Variants in PRKN observed in about 807,000 individuals in gnomAD.
The protein encoded by PRKN is E3 ubiquitin-protein ligase parkin.
A neutral mutation model predicts 59.5 loss-of-function variants in PRKN; 56 were observed. The ratio of observed to expected loss-of-function variants is 0.94; its 90% CI spans 0.76 to 1.18. PRKN has a LOEUF of 1.18. Ranked by LOEUF, PRKN falls within the 50% of genes most tolerant of loss-of-function variation. The pLI is 0.00. For synonymous variants in PRKN, 250 were observed against 222.1 expected (o/e 1.13, Z -1.12); for missense variants, 657 against 596.4 (o/e 1.10, Z -1.06).
At chr6:161,955,843 T>A (rs1388087672) in intron 6 of PRKN, among the ~76,000 whole-genome samples, 1 of 152,074 alleles carries the variant, frequency 6.6e-6, no homozygotes, top group African/African-American at 2.4e-5. Context: ...AGAGCTAAAC[T>A]CTATCTCAAA....
intron 5 of PRKN, among the ~76,000 whole-genome samples, chr6:162,005,775 TG>T (rs965577774): frequency 1.3e-5 from 2 of 152,052 alleles, no homozygotes; most frequent in African/African-American, 4.8e-5. Context: ...TAACCTTTTT[TG>T]GGGGGAAAAA....
At chr6:162,515,009 A>G (rs1351422779) in intron 1 of PRKN, among the ~76,000 whole-genome samples, 2 of 152,120 alleles carry the variant, frequency 1.3e-5, no homozygotes, top group Admixed American at 1.3e-4. Context: ...AGACAACTAG[A>G]GACTCTCCTA....
At chr6:161,485,235 G>A (rs1248044645) in intron 9 of PRKN, among the ~76,000 whole-genome samples, 1 of 152,222 alleles carries the variant, frequency 6.6e-6, no homozygotes, top group Non-Finnish European at 1.5e-5. Flanking sequence ...TGGTAGGCTA[G>A]GCAGAGTAGG....
At position 162,453,764 on chromosome 6, in the gene PRKN, G is replaced by A. The variant is rs78965483; in HGVS notation, c.8-10291C>T. 2.0e-3 allele frequency among the ~76,000 whole-genome samples: 300 copies of A among 152,178 alleles called. 4 individuals are homozygous for A. In the South Asian group the frequency reaches 0.024, roughly 12 times the overall value. On this transcript the variant is annotated intron_variant, in intron 1 of 11. Transcript: ENST00000366898. ...CTAAAAATATCAAAATTAGCTGGGC[G>A]TGGTGGCGCACACCTGTAATCCCAG...
chr6:161,367,981 G>C (rs1048724192), intron 10 of PRKN, among the ~76,000 whole-genome samples: 1 of 152,020 alleles, frequency 6.6e-6, no homozygotes, highest in African/African-American at 2.4e-5. Flanking sequence ...TCGGAGCCCC[G>C]AGCTGCCTGG....
intron 1 of PRKN, among the ~76,000 whole-genome samples, chr6:162,644,626 TC>T (rs1778094335): frequency 6.6e-6 from 1 of 152,150 alleles, no homozygotes; most frequent in Non-Finnish European, 1.5e-5. Context: ...CGGTGGTGTA[TC>T]CCCTAGCTGG....
In PRKN at chr6:161,484,088, T is replaced by C. The variant is rs142559905; in HGVS notation, c.1083+64766A>G. Among the ~76,000 whole-genome samples the C allele has an allele frequency of 0.024, 3,701 of 152,072 alleles. 143 individuals carry two copies. Among genetic ancestry groups the C allele is most frequent in the African/African-American group, 0.085 (3,516 of 41,456 alleles). On this transcript the variant is annotated intron_variant, in intron 9 of 11. Transcript: ENST00000366898. This position sits in a 1 kb window ranked among gnomAD's most constrained non-coding sequence, Gnocchi z 4.9. The stretch of plus-strand genomic sequence containing the variant: ...ATGGATGCTGGGCTTAATACCTAGG[T>C]GATGGGTTGATCTGTGCAGCAAAAC...
rs553600473 is a variant in PRKN at position 162,470,265 on chromosome 6, T to C, written c.8-26792A>G. ...AAGGGAACTAAAAAATAAGGAAGTATACATTTTCATTCACTCAACCAATGC... is the reference window on the plus strand; with the variant it reads ...AAGGGAACTAAAAAATAAGGAAGTACACATTTTCATTCACTCAACCAATGC... On this transcript the variant is annotated intron_variant, in intron 1 of 11. Transcript: ENST00000366898. Among the ~76,000 whole-genome samples, 115 of 152,286 alleles carry C rather than the reference T, an allele frequency of 7.6e-4. 1 individual carries two copies. The highest frequency in any genetic ancestry group is 1.1e-3 in the Non-Finnish European group (73 of 68,024).
chr6:162,428,261 T>G (rs996323317), intron 2 of PRKN, among the ~76,000 whole-genome samples: 2 of 152,188 alleles, frequency 1.3e-5, no homozygotes, highest in African/African-American at 4.8e-5. Flanking sequence ...ATTATAGTTC[T>G]CGATTTAGAT....
intron 7 of PRKN, among the ~76,000 whole-genome samples, chr6:161,606,633 T>A (rs891100494): frequency 6.6e-6 from 1 of 152,166 alleles, no homozygotes; most frequent in East Asian, 1.9e-4. Context: ...TAGAACCTAC[T>A]GTATTTAGCA....
intron 6 of PRKN, among the ~76,000 whole-genome samples, chr6:161,861,061 C>T (rs927562322): frequency 1.3e-5 from 2 of 152,160 alleles, no homozygotes; most frequent in Non-Finnish European, 1.5e-5. Context: ...ACCATTTGAC[C>T]TGGTAATCCC....
Position 162,727,594 on chromosome 6 carries a change from C to A in PRKN, c.7+68G>T, listed in dbSNP as rs1278412153. The stretch of plus-strand genomic sequence containing the variant: ...CACCGGGGGTCCTGGTCGGCCGAGG[C>A]GGGGCGTGGCGCCATACCGGGGCGT... On this transcript the variant is annotated intron_variant, in intron 1 of 11. Transcript: ENST00000366898. 48 of 1,503,538 alleles carry A rather than the reference C, an allele frequency of 3.2e-5. No homozygotes were observed. The South Asian group carries it at 5.0e-4, about 16-fold the overall frequency. The allele number at this position is 1,503,538 out of a possible 1,614,324, so 93.1% of individuals were successfully genotyped here.
intron 4 of PRKN, among the ~76,000 whole-genome samples, chr6:162,120,532 T>G (rs1217247739): frequency 2.6e-5 from 4 of 152,186 alleles, no homozygotes; most frequent in Non-Finnish European, 5.9e-5. Context: ...AACTCCATGT[T>G]GGTCACCAAA....
At chr6:162,485,730 C>A (rs1954800) in intron 1 of PRKN, among the ~76,000 whole-genome samples, 12,074 of 152,166 alleles carry the variant, frequency 0.079, 1,409 homozygotes, top group African/African-American at 0.26. Context: ...GAGTTAACTA[C>A]CCTTTGGAGC....
At chr6:162,035,140 G>T (rs1783790021) in intron 5 of PRKN, among the ~76,000 whole-genome samples, 1 of 145,472 alleles carries the variant, frequency 6.9e-6, no homozygotes, top group Admixed American at 6.9e-5. Flanking sequence ...GAGAAAGAGA[G>T]GAAAGGGGCC....
intron 7 of PRKN, among the ~76,000 whole-genome samples, chr6:161,759,172 T>A (rs1163724272): frequency 6.8e-6 from 1 of 148,032 alleles, no homozygotes; most frequent in African/African-American, 2.5e-5. Flanking sequence ...TGAGACTGTT[T>A]AAAAAAAAAA....
intron 1 of PRKN, among the ~76,000 whole-genome samples, chr6:162,613,021 A>T (rs1264994964): frequency 6.6e-6 from 1 of 152,238 alleles, no homozygotes; most frequent in East Asian, 1.9e-4. Context: ...AATTAATACC[A>T]ACAAGACATA....
rs566828086 is a variant in PRKN at position 161,383,855 on chromosome 6, GA to G, written c.1167+2938del. The stretch of plus-strand genomic sequence containing the variant: ...GACCCTGACCGAATCAGAGACGTAG[GA>G]AAACATGGCAGCAAAGACCCCAATT... On this transcript the variant is annotated intron_variant, in intron 10 of 11. Coordinates refer to ENST00000366898, the MANE Select transcript of PRKN (RefSeq NM_004562.3). Among the ~76,000 whole-genome samples, 227 of 152,328 alleles carry G rather than the reference GA, an allele frequency of 1.5e-3. 1 individual carries two copies. Among genetic ancestry groups the G allele is most frequent in the Middle Eastern group, 0.01 (3 of 294 alleles).
rs1387126244 is a variant in PRKN at position 161,457,594 on chromosome 6, G to A, written c.1084-70717C>T. On this transcript the variant is annotated intron_variant, in intron 9 of 11. Coordinates refer to ENST00000366898, the MANE Select transcript of PRKN (RefSeq NM_004562.3). This position sits in a 1 kb window ranked among gnomAD's most constrained non-coding sequence, Gnocchi z 5.0. ...TGGATGGGAGGATGAATGGATGCAT[G>A]AATGAATTAATGAATGCTCTGTGAT... is the stretch of plus-strand genomic sequence containing the variant. Among the ~76,000 whole-genome samples, 1 of 152,220 alleles carries A rather than the reference G, an allele frequency of 6.6e-6. No homozygotes were observed. Among genetic ancestry groups the A allele is most frequent in the African/African-American group, 2.4e-5 (1 of 41,460 alleles).
Sources: gnomAD v4.1 joint callset for allele counts (sites outside exome capture counted in the v4.1 genomes callset) on GRCh38, gnomAD v4.1.1 for gene constraint, Gnocchi (gnomAD v3.1) non-coding constraint, MANE v1.5 for transcripts, NCBI Gene and HGNC (gene_info 2026-07-23, HGNC 2026-07-21) for gene names.